The following IGSF5 variants were observed in gnomAD, a reference collection of about 807,000 sequenced individuals.
IGSF5 encodes the protein immunoglobulin superfamily member 5.
In IGSF5, 41 loss-of-function variants were observed where a neutral mutation model predicts 39.4. The ratio of observed to expected loss-of-function variants is 1.04; its 90% CI spans 0.81 to 1.35. IGSF5 has a LOEUF of 1.35. Ranked by LOEUF, IGSF5 falls within the 40% of genes most tolerant of loss-of-function variation. The probability of loss-of-function intolerance (pLI) is 0.00; values close to 1 mark genes in which losing one functional copy is unlikely to be tolerated. For missense variants in IGSF5, 487 were observed against 494.6 expected (o/e 0.98, Z 0.15); for synonymous variants, 183 against 175.3 (o/e 1.04, Z -0.34).
chr21:39,789,524 C>T (rs1184018254), intron 6 of IGSF5, among the ~76,000 whole-genome samples: 1 of 152,178 alleles, frequency 6.6e-6, no homozygotes, highest in Non-Finnish European at 1.5e-5. Flanking sequence ...TCCAACCCCA[C>T]TTGCTTTCCC....
rs369259861 is a variant in IGSF5 at position 39,783,513 on chromosome 21, G to A, written c.934+4208G>A. ...ATTTGTTGACCATTTACATGTCTAAGAAGACATCTAAATTGAGAAATGTCT... is the reference window on the plus strand; with the variant it reads ...ATTTGTTGACCATTTACATGTCTAAAAAGACATCTAAATTGAGAAATGTCT... On this transcript the variant is annotated intron_variant, in intron 5 of 8. Coordinates refer to ENST00000380588, the MANE Select transcript of IGSF5 (RefSeq NM_001080444.2). Among the ~76,000 whole-genome samples the A allele has an allele frequency of 1.5e-3, 231 of 152,212 alleles. 1 individual carries two copies. Among genetic ancestry groups the A allele is most frequent in the African/African-American group, 5.4e-3 (224 of 41,542 alleles).
At chr21:39,749,374 G>A (rs2079993506) in intron 2 of IGSF5, among the ~76,000 whole-genome samples, 1 of 152,130 alleles carries the variant, frequency 6.6e-6, no homozygotes. Flanking sequence ...CACCACGCCC[G>A]GCTAATTATT....
At chr21:39,759,866 CAAAA>C (rs1307376560) in intron 2 of IGSF5, among the ~76,000 whole-genome samples, 1 of 61,484 alleles carries the variant, frequency 1.6e-5, no homozygotes. Context: ...GACTCCGTCT[CAAAA>C]AAAAAAAAAA....
intron 8 of IGSF5, among the ~76,000 whole-genome samples, chr21:39,794,195 G>A (rs1389020409): frequency 1.3e-5 from 2 of 152,336 alleles, no homozygotes; most frequent in East Asian, 3.9e-4. Flanking sequence ...TAAGGATTAT[G>A]GCCAGAACGG....
intron 8 of IGSF5, among the ~76,000 whole-genome samples, chr21:39,800,116 T>A (rs1400952372): frequency 6.6e-6 from 1 of 152,146 alleles, no homozygotes; most frequent in Non-Finnish European, 1.5e-5. Flanking sequence ...AATAACCAAT[T>A]ACTGGGAAAG....
chr21:39,720,550 A>G, the IGSF5 span, among the ~76,000 whole-genome samples: 2 of 152,224 alleles, frequency 1.3e-5, no homozygotes, highest in Non-Finnish European at 2.9e-5. Flanking sequence ...AGGAAACTTG[A>G]CCAGTACTGC....
the IGSF5 span, among the ~76,000 whole-genome samples, chr21:39,716,910 T>G: frequency 6.6e-6 from 1 of 152,320 alleles, no homozygotes; most frequent in East Asian, 1.9e-4. Context: ...TTTAGCTTTT[T>G]GAGGAATCAC....
intron 2 of IGSF5, 78 bp downstream of exon 2, chr21:39,746,376 G>C (rs2079974969): frequency 3.1e-6 from 2 of 645,290 alleles, no homozygotes; most frequent in African/African-American, 3.6e-5. Context: ...GAGTGAAATA[G>C]AGTGAAAACA....
At chr21:39,767,511 A>C (rs1192578798) in intron 3 of IGSF5, among the ~76,000 whole-genome samples, 2 of 152,180 alleles carry the variant, frequency 1.3e-5, no homozygotes, top group African/African-American at 4.8e-5. Flanking sequence ...TGTCCTCATC[A>C]TAGGGCTGCC....
At position 39,793,519 on chromosome 21, in the gene IGSF5, G is replaced by A. The variant is rs1397708456; in HGVS notation, c.1049-15G>A. 1.2e-6 allele frequency: 2 copies of A among 1,608,148 alleles called. No homozygotes were observed. Among genetic ancestry groups the A allele is most frequent in the African/African-American group, 2.7e-5 (2 of 74,686 alleles). ...TTTGCCACTTAATGACTCTAAAATT[G>A]TTCTTCTGTTGCAGACACCGCTTCT... On this transcript the variant is annotated splice_polypyrimidine_tract_variant and intron_variant, in intron 7 of 8. Coordinates refer to ENST00000380588, the MANE Select transcript of IGSF5 (RefSeq NM_001080444.2).
intron 3 of IGSF5, among the ~76,000 whole-genome samples, chr21:39,766,820 A>G (rs1181377477): frequency 6.9e-6 from 1 of 143,998 alleles, no homozygotes; most frequent in African/African-American, 3.0e-5. Context: ...AAGAGAATAT[A>G]TTATATCTTA....
chr21:39,779,246 G>T lies in IGSF5; in HGVS notation c.875G>T (p.Arg292Leu). The change falls in exon 5 of 9, where the codon CGT (arginine) becomes CTT (leucine). Residue 292 changes from arginine to leucine, a missense_variant. Arg to Leu is a moderately radical substitution (Grantham distance 102, BLOSUM62 -2). Coordinates refer to ENST00000380588, the MANE Select transcript of IGSF5 (RefSeq NM_001080444.2). ...TLTIRCCCCRRRCCGCNCCCR... is the reference protein window; with the variant it reads ...TLTIRCCCCRLRCCGCNCCCR... ...ACAATACGCTGCTGCTGCTGCCGCC[G>T]TCGTTGTTGTGGCTGCAACTGCTGC... 1.9e-6 allele frequency: 3 copies of T among 1,613,706 alleles called. No individual in the cohort carries two copies. The highest frequency in any genetic ancestry group is 2.5e-6 in the Non-Finnish European group (3 of 1,179,726).
At chr21:39,715,328 A>G in the IGSF5 span, among the ~76,000 whole-genome samples, 4 of 152,160 alleles carry the variant, frequency 2.6e-5, no homozygotes. Context: ...CATGTTGCTC[A>G]GGCTGGTCTT....
At chr21:39,736,137 A>G in the IGSF5 span, among the ~76,000 whole-genome samples, 1 of 151,764 alleles carries the variant, frequency 6.6e-6, no homozygotes, top group African/African-American at 2.4e-5. Flanking sequence ...CTGCCTCGAT[A>G]CCCATCATTC....
chr21:39,760,594 C>T (rs922994282), intron 2 of IGSF5, among the ~76,000 whole-genome samples: 1 of 150,770 alleles, frequency 6.6e-6, no homozygotes, highest in East Asian at 2.0e-4. Flanking sequence ...TTTTTTTAGA[C>T]GGAGTCTCAC....
chr21:39,740,971 C>T (rs1602357256), upstream of IGSF5, among the ~76,000 whole-genome samples: 2 of 152,326 alleles, frequency 1.3e-5, no homozygotes, highest in East Asian at 3.9e-4. Flanking sequence ...CTACTGCCAC[C>T]ACTACCCGTA....
At chr21:39,725,285 C>A in the IGSF5 span, among the ~76,000 whole-genome samples, 1 of 152,198 alleles carries the variant, frequency 6.6e-6, no homozygotes, top group Non-Finnish European at 1.5e-5. Flanking sequence ...AGTTGTAAAA[C>A]GTGGCTAATG....
chr21:39,728,029 G>T, the IGSF5 span: 2 of 152,060 alleles, frequency 1.3e-5, no homozygotes, highest in Non-Finnish European at 2.9e-5. Context: ...TTTCTTGGGG[G>T]GACTGTTCTA....
intron 2 of IGSF5, among the ~76,000 whole-genome samples, chr21:39,757,806 A>G (rs558385826): frequency 2.6e-5 from 4 of 152,054 alleles, no homozygotes; most frequent in African/African-American, 9.6e-5. Flanking sequence ...CGAACTCCTG[A>G]CCTCAAACGA....
Sources: allele counts gnomAD v4.1 joint callset (sites outside exome capture counted in the v4.1 genomes callset), GRCh38; gene constraint gnomAD v4.1.1; transcripts MANE v1.5; gene names NCBI Gene and HGNC (gene_info 2026-07-23, HGNC 2026-07-21).